The following AUTS2 variants were observed in gnomAD, a reference collection of about 807,000 sequenced individuals.
The protein encoded by AUTS2 is autism susceptibility gene 2 protein.
A neutral mutation model predicts 112.4 loss-of-function variants in AUTS2; 17 were observed. The observed-to-expected ratio is 0.15, with a 90% CI of 0.10 to 0.23. The LOEUF is 0.23. AUTS2 is among the 10% of genes least tolerant of loss of function. AUTS2 has a pLI of 1.00. For synonymous variants in AUTS2, 751 were observed against 702.7 expected (o/e 1.07, Z -1.09); for missense variants, 1,510 against 1,701.6 (o/e 0.89, Z 1.98).
At chr7:70,528,791 T>C (rs922689644) in intron 5 of AUTS2, among the ~76,000 whole-genome samples, 6 of 147,866 alleles carry the variant, frequency 4.1e-5, no homozygotes, top group African/African-American at 1.5e-4. Flanking sequence ...CTGGGCATCA[T>C]AGCAAGATCT....
chr7:70,589,181 G>T (rs1480980340), intron 5 of AUTS2, among the ~76,000 whole-genome samples: 2 of 152,218 alleles, frequency 1.3e-5, no homozygotes, highest in Non-Finnish European at 2.9e-5. Context: ...TTCCAAGCAT[G>T]CACTGCGAGA....
At chr7:69,682,729 C>T (rs1383901537) in intron 1 of AUTS2, among the ~76,000 whole-genome samples, 1 of 152,186 alleles carries the variant, frequency 6.6e-6, no homozygotes, top group Non-Finnish European at 1.5e-5. Flanking sequence ...AATACAGAGG[C>T]AGAGAGCGAA....
intron 1 of AUTS2, among the ~76,000 whole-genome samples, chr7:69,840,558 G>A (rs1791932360): frequency 6.6e-6 from 1 of 152,204 alleles, no homozygotes; most frequent in Non-Finnish European, 1.5e-5. Flanking sequence ...ACAGGTCGAA[G>A]AGGCTTCCAC....
chr7:70,767,873 G>T, intron 9 of AUTS2, 151 bp from the exon 10 acceptor site: 1 of 714,562 alleles, frequency 1.4e-6, no homozygotes, highest in Non-Finnish European at 2.4e-6. Flanking sequence ...TTGTCAGGGA[G>T]ACTCAGGAGC....
At chr7:70,768,195 C>A (rs1585656428) in intron 10 of AUTS2, 127 bp downstream of exon 10, 2 of 877,420 alleles carry the variant, frequency 2.3e-6, no homozygotes, top group East Asian at 2.8e-5. Flanking sequence ...TTGCTCCTCG[C>A]CACTTTGGAT....
At chr7:70,305,483 C>T (rs373863810) in intron 4 of AUTS2, among the ~76,000 whole-genome samples, 2 of 152,100 alleles carry the variant, frequency 1.3e-5, no homozygotes, top group East Asian at 3.8e-4. Context: ...GGATTCTCTC[C>T]AATTTCCCTT....
chr7:70,103,048 G>T (rs1158642453), intron 2 of AUTS2, among the ~76,000 whole-genome samples: 1 of 152,166 alleles, frequency 6.6e-6, no homozygotes, highest in Non-Finnish European at 1.5e-5. Flanking sequence ...TTCCTTTAGA[G>T]ATACCAGAAT....
intron 2 of AUTS2, among the ~76,000 whole-genome samples, chr7:70,025,671 G>A (rs1165159096): frequency 1.3e-5 from 2 of 151,288 alleles, no homozygotes; most frequent in Non-Finnish European, 2.9e-5. Flanking sequence ...GGACAGGCTG[G>A]TCTTGAACTC....
intron 1 of AUTS2, among the ~76,000 whole-genome samples, chr7:69,850,314 CAA>C (rs1466206051): frequency 1.5e-5 from 2 of 137,508 alleles, no homozygotes; most frequent in Non-Finnish European, 3.1e-5. Context: ...AAAACAAAAA[CAA>C]AAACAAAAAA....
At chr7:69,889,744 A>G (rs1162842310) in intron 1 of AUTS2, among the ~76,000 whole-genome samples, 1 of 152,190 alleles carries the variant, frequency 6.6e-6, no homozygotes, top group Non-Finnish European at 1.5e-5. Flanking sequence ...ACTTTAGTGG[A>G]TTAGATTTAA....
At chr7:69,779,499 C>T (rs961964627) in intron 1 of AUTS2, among the ~76,000 whole-genome samples, 1 of 152,044 alleles carries the variant, frequency 6.6e-6, no homozygotes, top group African/African-American at 2.4e-5. Flanking sequence ...CGCAGTGGCT[C>T]ACACCTGTAA....
At chr7:70,280,450 ATTTTT>A (rs35280015) in intron 4 of AUTS2, among the ~76,000 whole-genome samples, 1 of 121,864 alleles carries the variant, frequency 8.2e-6, no homozygotes, top group African/African-American at 3.1e-5. Flanking sequence ...TGCCCGGCTG[ATTTTT>A]TTTTTTTTTT....
At chr7:69,915,758 A>T (rs149360082) in intron 2 of AUTS2, among the ~76,000 whole-genome samples, 1 of 152,146 alleles carries the variant, frequency 6.6e-6, no homozygotes, top group African/African-American at 2.4e-5. Flanking sequence ...ACGGAGTCTC[A>T]CTCTATCACC....
intron 1 of AUTS2, among the ~76,000 whole-genome samples, chr7:69,744,128 C>G (rs985873498): frequency 6.6e-6 from 1 of 152,100 alleles, no homozygotes; most frequent in Non-Finnish European, 1.5e-5. Context: ...TTCATGTTGG[C>G]ATGTATCAGG....
chr7:70,371,363 T>A (rs905859470), intron 4 of AUTS2, among the ~76,000 whole-genome samples: 1 of 152,218 alleles, frequency 6.6e-6, no homozygotes, highest in East Asian at 1.9e-4. Flanking sequence ...AATGAATGTA[T>A]TGATTGCATG....
chr7:69,915,934 G>A (rs1036191650), intron 2 of AUTS2, among the ~76,000 whole-genome samples: 7 of 152,146 alleles, frequency 4.6e-5, no homozygotes, highest in African/African-American at 1.7e-4. Context: ...GCCCAGGCTG[G>A]TCTCGAGCTC....
intron 2 of AUTS2, among the ~76,000 whole-genome samples, chr7:69,995,623 C>T (rs1798913764): frequency 6.6e-6 from 1 of 152,156 alleles, no homozygotes; most frequent in Admixed American, 6.5e-5. Context: ...GCAGGATTCT[C>T]CAGGGACAAG....
At chr7:70,036,541 C>G (rs1016714441) in intron 2 of AUTS2, among the ~76,000 whole-genome samples, 1 of 152,214 alleles carries the variant, frequency 6.6e-6, no homozygotes, top group African/African-American at 2.4e-5. Context: ...TGTTTCTCCT[C>G]TCTCTGCCCC....
At chr7:70,427,430 T>C (rs1795481705) in intron 4 of AUTS2, among the ~76,000 whole-genome samples, 1 of 152,198 alleles carries the variant, frequency 6.6e-6, no homozygotes, top group Non-Finnish European at 1.5e-5. Context: ...AAATGTGACT[T>C]CCTTTCTTAG....
Sources: gnomAD v4.1 joint callset for allele counts (sites outside exome capture counted in the v4.1 genomes callset) on GRCh38, gnomAD v4.1.1 for gene constraint, MANE v1.5 for transcripts, NCBI Gene and HGNC (gene_info 2026-07-23, HGNC 2026-07-21) for gene names.